Variants in CALD1 observed in about 807,000 individuals in gnomAD.
CALD1 encodes the protein caldesmon 1.
In CALD1, 33 loss-of-function variants were observed where a neutral mutation model predicts 99.9. The ratio of observed to expected loss-of-function variants is 0.33; its 90% CI spans 0.25 to 0.44. The LOEUF (loss-of-function observed/expected upper bound fraction) is 0.44, where lower values mean the gene tolerates loss of function less well. Among genes scored for constraint, CALD1 ranks in the 20% least tolerant of loss-of-function variants. The pLI, the probability that CALD1 is intolerant of heterozygous loss-of-function variation, is 1.00. For synonymous variants in CALD1, 310 were observed against 325.0 expected (o/e 0.95, Z 0.50); for missense variants, 861 against 962.1 (o/e 0.89, Z 1.39).
At chr7:134,731,607 G>A in the CALD1 span, among the ~76,000 whole-genome samples, 1 of 151,968 alleles carries the variant, frequency 6.6e-6, no homozygotes, top group South Asian at 2.1e-4. Flanking sequence ...TGGCTTCCCT[G>A]ATAATGTACT....
the CALD1 span, among the ~76,000 whole-genome samples, chr7:134,727,656 G>A: frequency 2.0e-5 from 3 of 152,284 alleles, no homozygotes; most frequent in South Asian, 4.2e-4. Flanking sequence ...AAAGCAGAGC[G>A]GACTTCCTTC....
intron 3 of CALD1, among the ~76,000 whole-genome samples, chr7:134,905,385 G>T (rs1803296513): frequency 6.6e-6 from 1 of 152,092 alleles, no homozygotes; most frequent in Non-Finnish European, 1.5e-5. Flanking sequence ...AGCTAATAAT[G>T]TGTTACCTCC....
At chr7:134,798,035 A>G (rs1180332238) in intron 1 of CALD1, among the ~76,000 whole-genome samples, 1 of 152,240 alleles carries the variant, frequency 6.6e-6, no homozygotes. Flanking sequence ...CACATTTGTC[A>G]CAAATAATAA....
chr7:134,876,382 T>G (rs1801353151), intron 3 of CALD1, among the ~76,000 whole-genome samples: 1 of 152,246 alleles, frequency 6.6e-6, no homozygotes, highest in African/African-American at 2.4e-5. Context: ...TGTAAAAAAG[T>G]CTATGGCTAT....
intron 2 of CALD1, among the ~76,000 whole-genome samples, chr7:134,856,034 A>C (rs1800285495): frequency 6.6e-6 from 1 of 152,230 alleles, no homozygotes; most frequent in African/African-American, 2.4e-5. Flanking sequence ...TTTTTCAGCA[A>C]GAGTGTGAGG....
rs185141126 is a variant in CALD1 at position 134,797,837 on chromosome 7, C to T, written c.-130+18088C>T. On this transcript the variant is annotated intron_variant, in intron 1 of 14. Transcript: ENST00000361675. ...GATCTCCTGACCTCAGGTGATCCACCTGACTCGGCTTCCCAAAGTGTTTGG... is the reference window on the plus strand; with the variant it reads ...GATCTCCTGACCTCAGGTGATCCACTTGACTCGGCTTCCCAAAGTGTTTGG... 1.1e-3 allele frequency among the ~76,000 whole-genome samples: 173 copies of T among 152,246 alleles called. 1 individual carries two copies. The highest frequency in any genetic ancestry group is 3.9e-3 in the African/African-American group (160 of 41,556).
In CALD1 at chr7:134,962,890, CTCTTCTT is replaced by C. The variant is rs1808386643; in HGVS notation, c.2295+2263_2295+2269del. ...CTGCTTCTCCTGCCTTCATTTCTCCCTCTTCTTCCGGAGTGGGTCTTTCTCTAAAATG... is the reference window on the plus strand; with the variant it reads ...CTGCTTCTCCTGCCTTCATTTCTCCCCCGGAGTGGGTCTTTCTCTAAAATG... On this transcript the variant is annotated intron_variant, in intron 13 of 14. Transcript: ENST00000361675. 8.8e-6 allele frequency: 4 copies of C among 456,534 alleles called. No individual in the cohort carries two copies. The Admixed American group carries it at 9.4e-5, about 11-fold the overall frequency. The allele number at this position is 456,534 out of a possible 1,614,324, so 28.3% of individuals were successfully genotyped here.
chr7:134,883,223 A>G (rs897266267), intron 3 of CALD1, among the ~76,000 whole-genome samples: 1 of 152,188 alleles, frequency 6.6e-6, no homozygotes, highest in African/African-American at 2.4e-5. Context: ...TTATCCTAGA[A>G]AGACTCTGAA....
chr7:134,755,296 C>T (rs756338820), intron 1 of CALD1, among the ~76,000 whole-genome samples: 8 of 152,278 alleles, frequency 5.3e-5, no homozygotes, highest in African/African-American at 1.2e-4. Flanking sequence ...CCACCATGCC[C>T]GGCCACATAT....
intron 3 of CALD1, among the ~76,000 whole-genome samples, chr7:134,912,456 T>TA (rs1294150019): frequency 6.6e-6 from 1 of 152,170 alleles, no homozygotes; most frequent in African/African-American, 2.4e-5. Flanking sequence ...CGCTGACACT[T>TA]ACACACGGAG....
intron 2 of CALD1, among the ~76,000 whole-genome samples, chr7:134,861,177 T>G (rs988079853): frequency 2.0e-5 from 3 of 152,192 alleles, no homozygotes; most frequent in African/African-American, 7.2e-5. Context: ...AGATGAAACT[T>G]TGAATATTAT....
chr7:134,839,521 C>T (rs941096159), intron 1 of CALD1, among the ~76,000 whole-genome samples: 1 of 152,134 alleles, frequency 6.6e-6, no homozygotes, highest in Non-Finnish European at 1.5e-5. Context: ...AATTTATATT[C>T]CCATAGCAGT....
chr7:134,842,236 TG>T (rs1379324183), intron 1 of CALD1, among the ~76,000 whole-genome samples: 1 of 152,226 alleles, frequency 6.6e-6, no homozygotes, highest in East Asian at 1.9e-4. Context: ...GCCCTGGCTT[TG>T]AATACTGGCC....
intron 3 of CALD1, among the ~76,000 whole-genome samples, chr7:134,906,850 T>TA (rs986459659): frequency 3.9e-5 from 6 of 152,144 alleles, no homozygotes; most frequent in Non-Finnish European, 2.9e-5. Context: ...GTTGAGGACT[T>TA]AAAGTCTCTC....
chr7:134,752,869 G>T (rs747284725), intron 1 of CALD1, among the ~76,000 whole-genome samples: 6 of 151,894 alleles, frequency 4.0e-5, no homozygotes, highest in Non-Finnish European at 8.8e-5. Context: ...AGGCGTGGTG[G>T]CATGGTGGCG....
chr7:134,769,843 G>C (rs1249075015), intron 1 of CALD1, among the ~76,000 whole-genome samples: 5 of 152,090 alleles, frequency 3.3e-5, no homozygotes, highest in Non-Finnish European at 7.4e-5. Flanking sequence ...TCACCATTTT[G>C]GCCAGGCTGG....
chr7:134,815,909 T>C (rs2131965312), intron 1 of CALD1, among the ~76,000 whole-genome samples: 1 of 152,332 alleles, frequency 6.6e-6, no homozygotes, highest in East Asian at 1.9e-4. Flanking sequence ...CGAACTGGCA[T>C]ATATCCCCTT....
In CALD1 at chr7:134,933,753, G is replaced by A; in HGVS notation, c.984G>A (p.Arg328=). 1 of 1,554,238 alleles carries A rather than the reference G, an allele frequency of 6.4e-7. No homozygotes were observed. The highest frequency in any genetic ancestry group is 8.7e-7 in the Non-Finnish European group (1 of 1,148,560). ...AAGAGAAAAGGGCAGCAGAGGAGAG[G>A]CAGAGGATAAAGGAGGAAGAGAAAA... ...REEEKRAAEE[R]QRIKEEEKRA... Residue 328 remains arginine, a synonymous_variant, in exon 5 of 15, where the codon AGG becomes AGA. Coordinates refer to ENST00000361675, the MANE Select transcript of CALD1 (RefSeq NM_033138.4).
At chr7:134,778,476 A>C (rs1796973479), upstream of CALD1, among the ~76,000 whole-genome samples, 1 of 152,218 alleles carries the variant, frequency 6.6e-6, no homozygotes, top group South Asian at 2.1e-4. Flanking sequence ...TCAAACATAT[A>C]ACAATGAGAC....
Sources: allele counts gnomAD v4.1 joint callset (sites outside exome capture counted in the v4.1 genomes callset), GRCh38; gene constraint gnomAD v4.1.1; transcripts MANE v1.5; gene names NCBI Gene and HGNC (gene_info 2026-07-23, HGNC 2026-07-21).